Variants in CHN2 observed in about 807,000 individuals in gnomAD.
The protein encoded by CHN2 is beta-chimaerin.
In CHN2, 35 loss-of-function variants were observed where a neutral mutation model predicts 56.3. The ratio of observed to expected loss-of-function variants is 0.62; its 90% CI spans 0.47 to 0.82. CHN2 has a LOEUF of 0.82. Ranked by LOEUF, CHN2 falls within the 40% of genes least tolerant of loss-of-function variation. The pLI, the probability that CHN2 is intolerant of heterozygous loss-of-function variation, is 0.00. For synonymous variants in CHN2, 210 were observed against 212.8 expected (o/e 0.99, Z 0.12); for missense variants, 491 against 580.5 (o/e 0.85, Z 1.58).
At chr7:29,510,932 T>C (rs1002504385) in intron 12 of CHN2, among the ~76,000 whole-genome samples, 2 of 97,060 alleles carry the variant, frequency 2.1e-5, no homozygotes, top group African/African-American at 8.1e-5. Context: ...CTGGTGACAC[T>C]ATTCTCCCTA....
intron 1 of CHN2, among the ~76,000 whole-genome samples, chr7:29,242,046 G>A (rs970533279): frequency 6.6e-6 from 1 of 152,050 alleles, no homozygotes; most frequent in African/African-American, 2.4e-5. Flanking sequence ...ATTGTCCCAA[G>A]GGCTCTATAC....
chr7:29,334,305 C>A (rs1452248928), intron 1 of CHN2, among the ~76,000 whole-genome samples: 1 of 152,022 alleles, frequency 6.6e-6, no homozygotes. Flanking sequence ...CTCGCCTTGG[C>A]CTCCCAAAGT....
At chr7:29,190,306 T>G (rs1782727810), upstream of CHN2, among the ~76,000 whole-genome samples, 1 of 152,218 alleles carries the variant, frequency 6.6e-6, no homozygotes, top group African/African-American at 2.4e-5. Context: ...CGAATAGCCC[T>G]GCTATTCTCC....
At chr7:29,413,518 A>G (rs928888566) in intron 6 of CHN2, among the ~76,000 whole-genome samples, 4 of 152,252 alleles carry the variant, frequency 2.6e-5, no homozygotes, top group Non-Finnish European at 5.9e-5. Flanking sequence ...CCCCCTAGAA[A>G]GAACATTACA....
intron 2 of CHN2, among the ~76,000 whole-genome samples, chr7:29,154,411 T>C (rs1265285066): frequency 6.6e-6 from 1 of 152,222 alleles, no homozygotes; most frequent in South Asian, 2.1e-4. Flanking sequence ...CTGTAGATTT[T>C]GGATGTTCCT....
At chr7:29,271,136 A>G (rs1404490787) in intron 1 of CHN2, among the ~76,000 whole-genome samples, 2 of 152,122 alleles carry the variant, frequency 1.3e-5, no homozygotes, top group Non-Finnish European at 2.9e-5. Flanking sequence ...AGTGGACTGA[A>G]AGGGGTGGAG....
intron 3 of CHN2, among the ~76,000 whole-genome samples, chr7:29,388,699 A>G (rs187356994): frequency 2.0e-5 from 3 of 152,332 alleles, no homozygotes; most frequent in East Asian, 3.9e-4. Flanking sequence ...TCTTAAAATA[A>G]GACCACGTAA....
intron 11 of CHN2, 90 bp from the exon 12 acceptor site, chr7:29,509,211 C>T (rs760808985): frequency 3.3e-6 from 3 of 905,250 alleles, no homozygotes; most frequent in Non-Finnish European, 5.4e-6. Context: ...TCCTTCCCCA[C>T]TTCTGGCTAA....
chr7:29,218,805 G>T (rs1372594721), intron 1 of CHN2, among the ~76,000 whole-genome samples: 1 of 129,484 alleles, frequency 7.7e-6, no homozygotes, highest in African/African-American at 2.9e-5. Flanking sequence ...GACTGTTGTG[G>T]GGTGGGGGGA....
At chr7:29,415,842 A>G (rs192862121) in intron 6 of CHN2, among the ~76,000 whole-genome samples, 1 of 152,292 alleles carries the variant, frequency 6.6e-6, no homozygotes, top group East Asian at 1.9e-4. Context: ...TTGCTTTCAA[A>G]ACCCAGTTGC....
chr7:29,354,807 A>G, intron 2 of CHN2, 144 bp downstream of exon 2: 1 of 715,074 alleles, frequency 1.4e-6, no homozygotes, highest in Non-Finnish European at 2.4e-6. Flanking sequence ...GAGGAAAAAG[A>G]TTAGTCAGAG....
At chr7:29,298,757 G>A (rs1584997289) in intron 1 of CHN2, among the ~76,000 whole-genome samples, 3 of 152,232 alleles carry the variant, frequency 2.0e-5, no homozygotes, top group South Asian at 4.2e-4. Flanking sequence ...GAACAAGCAG[G>A]TTAGTTTAAA....
intron 1 of CHN2, among the ~76,000 whole-genome samples, chr7:29,284,969 T>C (rs948785734): frequency 2.0e-5 from 3 of 152,210 alleles, no homozygotes; most frequent in African/African-American, 7.2e-5. Context: ...ATGGGGAACT[T>C]TGATCTAGCC....
At chr7:29,401,645 G>T (rs1802213653) in intron 6 of CHN2, among the ~76,000 whole-genome samples, 1 of 152,172 alleles carries the variant, frequency 6.6e-6, no homozygotes. Flanking sequence ...ACAGATATGG[G>T]AACGTGGCTA....
At chr7:29,232,564 A>C (rs192756863) in intron 1 of CHN2, among the ~76,000 whole-genome samples, 3 of 152,240 alleles carry the variant, frequency 2.0e-5, no homozygotes, top group Admixed American at 6.5e-5. Context: ...TGAATTTTGC[A>C]GATTTAATTT....
At chr7:29,315,818 A>G (rs1794917090) in intron 1 of CHN2, among the ~76,000 whole-genome samples, 2 of 152,230 alleles carry the variant, frequency 1.3e-5, no homozygotes, top group African/African-American at 4.8e-5. Flanking sequence ...TGATTTTTTT[A>G]AATCGTGAAA....
intron 1 of CHN2, among the ~76,000 whole-genome samples, chr7:29,313,977 T>C (rs1172788932): frequency 1.3e-5 from 2 of 152,192 alleles, no homozygotes; most frequent in Non-Finnish European, 2.9e-5. Flanking sequence ...AAATCTCCCG[T>C]CCTTAGTGCT....
At chr7:29,511,340 C>T (rs759550053) in intron 12 of CHN2, among the ~76,000 whole-genome samples, 1 of 152,178 alleles carries the variant, frequency 6.6e-6, no homozygotes, top group Admixed American at 6.5e-5. Flanking sequence ...ATGGGTATCA[C>T]ATCTGGCTTT....
At position 29,264,174 on chromosome 7, in the gene CHN2, T is replaced by C. The variant is rs1214436155; in HGVS notation, c.49+69184T>C. Among the ~76,000 whole-genome samples, 11 of 130,014 alleles carry C rather than the reference T, an allele frequency of 8.5e-5. No individual in the cohort carries two copies. The East Asian group carries it at 1.3e-3, about 15-fold the overall frequency. 85.3% of individuals were successfully genotyped at this position (130,014 alleles called of 152,430 possible). On this transcript the variant is annotated intron_variant, in intron 1 of 12. Coordinates refer to ENST00000222792, the MANE Select transcript of CHN2 (RefSeq NM_004067.4). ...TGGGAGGTGGGGGGCCCCCTCTGCC[T>C]GGCCGCCCTGTCTGGGAAGTGAGGA...
Sources: gnomAD v4.1 joint callset for allele counts (sites outside exome capture counted in the v4.1 genomes callset) on GRCh38, gnomAD v4.1.1 for gene constraint, MANE v1.5 for transcripts, NCBI Gene and HGNC (gene_info 2026-07-23, HGNC 2026-07-21) for gene names.